ABLIM1: variants seen among roughly 807,000 people sequenced by gnomAD.
ABLIM1 encodes actin binding LIM protein 1.
A neutral mutation model predicts 107.0 loss-of-function variants in ABLIM1; 40 were observed. The observed-to-expected ratio is 0.37, with a 90% CI of 0.29 to 0.49. The LOEUF is 0.49. Among genes scored for constraint, ABLIM1 ranks in the 20% least tolerant of loss-of-function variants. ABLIM1 has a pLI of 0.97. For synonymous variants in ABLIM1, 357 were observed against 357.3 expected (o/e 1.00, Z 0.01); for missense variants, 857 against 1,008.5 (o/e 0.85, Z 2.04).
At chr10:114,489,344 C>A (rs61870100) in intron 7 of ABLIM1, among the ~76,000 whole-genome samples, 2,580 of 152,260 alleles carry the variant, frequency 0.017, 39 homozygotes, top group East Asian at 0.05. Context: ...TAAGCAACAA[C>A]CTGTGCATAC....
chr10:114,756,846 G>A (rs547435416), intron 1 of ABLIM1, among the ~76,000 whole-genome samples: 15 of 152,056 alleles, frequency 9.9e-5, no homozygotes, highest in Non-Finnish European at 2.1e-4. Context: ...TCCTTCCTCT[G>A]TTCTCCTGAA....
chr10:114,724,764 G>A (rs759163232), intron 1 of ABLIM1, among the ~76,000 whole-genome samples: 2 of 152,062 alleles, frequency 1.3e-5, no homozygotes, highest in Non-Finnish European at 2.9e-5. Context: ...TGGACTGTCC[G>A]GCCCTAAGGA....
rs1489879963 is a variant in ABLIM1 at position 114,578,217 on chromosome 10, T to C, written c.380-2618A>G. Among the ~76,000 whole-genome samples, 4 of 152,234 alleles carry C rather than the reference T, an allele frequency of 2.6e-5. No individual in the cohort carries two copies. The East Asian group carries it at 7.7e-4, about 29-fold the overall frequency. On this transcript the variant is annotated intron_variant, in intron 2 of 22. Coordinates refer to ENST00000533213, the MANE Select transcript of ABLIM1 (RefSeq NM_002313.7). Reference sequence around the variant, plus strand: ...TCCCCAAGCTTTAGACCCTGATTTGTAGCTGTGTGCTGGGCACAGGCAGAC... The same window carrying C: ...TCCCCAAGCTTTAGACCCTGATTTGCAGCTGTGTGCTGGGCACAGGCAGAC...
intron 1 of ABLIM1, among the ~76,000 whole-genome samples, chr10:114,749,450 C>CCACACACACA (rs151201319): frequency 0.084 from 11,946 of 141,472 alleles, 595 homozygotes; most frequent in Non-Finnish European, 0.12. Context: ...AACACACACA[C>CCACACACACA]CACACACACA....
chr10:114,474,482 A>G (rs1465776278), intron 8 of ABLIM1, among the ~76,000 whole-genome samples: 1 of 147,588 alleles, frequency 6.8e-6, no homozygotes, highest in African/African-American at 2.5e-5. Flanking sequence ...CCAGGTTCAC[A>G]CTTTTCTCCT....
At chr10:114,684,756 A>C in exon 1 of ABLIM1, 2 of 992,350 alleles carry the variant, frequency 2.0e-6, no homozygotes, top group Non-Finnish European at 2.4e-6. Flanking sequence ...CAGAATCCAG[A>C]TTTTGATCAC....
rs531715525 is a variant in ABLIM1, at chr10:114,601,269, T to C, written c.379+558A>G. Among the ~76,000 whole-genome samples, 274 of 151,562 alleles carry C rather than the reference T, an allele frequency of 1.8e-3. 1 individual carries two copies. The highest frequency in any genetic ancestry group is 0.011 in the South Asian group (52 of 4,812). On this transcript the variant is annotated intron_variant, in intron 2 of 22. Coordinates refer to ENST00000533213, the MANE Select transcript of ABLIM1 (RefSeq NM_002313.7). The stretch of plus-strand genomic sequence containing the variant: ...TATTTTTACTGCTCTTTCTTTCTTT[T>C]TTTTTTTTTTTTAAGACGGAGTCTC...
upstream of ABLIM1, among the ~76,000 whole-genome samples, chr10:114,769,150 A>C (rs1317610330): frequency 7.3e-6 from 1 of 136,994 alleles, no homozygotes; most frequent in Admixed American, 8.1e-5. Flanking sequence ...CTTGGCCAAC[A>C]TGGTGAAACA....
intron 1 of ABLIM1, among the ~76,000 whole-genome samples, chr10:114,674,809 G>T (rs1369436208): frequency 6.6e-6 from 1 of 150,650 alleles, no homozygotes; most frequent in African/African-American, 2.4e-5. Context: ...TTATAAGAAT[G>T]CTCTGAGAGT....
intron 10 of ABLIM1, among the ~76,000 whole-genome samples, chr10:114,472,104 G>A (rs1185352183): frequency 2.6e-5 from 4 of 152,134 alleles, no homozygotes; most frequent in African/African-American, 9.7e-5. Flanking sequence ...AACAATGGTA[G>A]AAATTGCCAC....
At chr10:114,632,088 G>T (rs2078220879) in intron 1 of ABLIM1, 2 of 985,108 alleles carry the variant, frequency 2.0e-6, no homozygotes, top group Non-Finnish European at 2.4e-6. Flanking sequence ...CCGCCTCGGC[G>T]GGCCCCGCTC....
intron 1 of ABLIM1, among the ~76,000 whole-genome samples, chr10:114,657,141 C>T (rs750012502): frequency 4.6e-5 from 7 of 152,204 alleles, no homozygotes; most frequent in Non-Finnish European, 8.8e-5. Flanking sequence ...TTCAGCTAAA[C>T]TGAATCCAAT....
chr10:114,509,380 A>G (rs2061551919), intron 6 of ABLIM1, among the ~76,000 whole-genome samples: 1 of 151,980 alleles, frequency 6.6e-6, no homozygotes, highest in South Asian at 2.1e-4. Flanking sequence ...GCAACCAAGG[A>G]GCTCTTTGCT....
At chr10:114,725,455 T>A (rs2081937337) in intron 1 of ABLIM1, among the ~76,000 whole-genome samples, 1 of 152,166 alleles carries the variant, frequency 6.6e-6, no homozygotes, top group Admixed American at 6.5e-5. Flanking sequence ...TGTGCCAATG[T>A]GACAAAACCC....
the ABLIM1 span, among the ~76,000 whole-genome samples, chr10:114,780,111 C>T: frequency 1.8e-4 from 28 of 152,150 alleles, no homozygotes; most frequent in African/African-American, 6.0e-4. Flanking sequence ...GCACTGCTCA[C>T]ACCCTAACAT....
chr10:114,698,886 G>T (rs549783117), intron 1 of ABLIM1, among the ~76,000 whole-genome samples: 371 of 152,146 alleles, frequency 2.4e-3, no homozygotes, highest in African/African-American at 8.5e-3. Context: ...AAAGAAAACT[G>T]CAGATTCCAA....
chr10:114,754,327 CA>C (rs2082584400), intron 1 of ABLIM1, among the ~76,000 whole-genome samples: 1 of 152,198 alleles, frequency 6.6e-6, no homozygotes, highest in Admixed American at 6.5e-5. Context: ...TCTTAGATGG[CA>C]ACGTTTCTCC....
intron 6 of ABLIM1, among the ~76,000 whole-genome samples, chr10:114,504,825 G>A (rs1245089745): frequency 1.3e-5 from 2 of 152,124 alleles, no homozygotes; most frequent in Non-Finnish European, 2.9e-5. Flanking sequence ...ACCATGAAAA[G>A]CTACATGTTC....
intron 4 of ABLIM1, among the ~76,000 whole-genome samples, chr10:114,554,111 C>T (rs572363038): frequency 1.3e-5 from 2 of 152,266 alleles, no homozygotes; most frequent in East Asian, 3.9e-4. Flanking sequence ...AAAATGTATT[C>T]CCCATCCCAA....
Sources: gnomAD v4.1 joint callset for allele counts (sites outside exome capture counted in the v4.1 genomes callset) on GRCh38, gnomAD v4.1.1 for gene constraint, MANE v1.5 for transcripts, NCBI Gene and HGNC (gene_info 2026-07-23, HGNC 2026-07-21) for gene names.